The following CCDC85A variants were observed in gnomAD, a reference collection of about 807,000 sequenced individuals.
CCDC85A encodes coiled-coil domain-containing protein 85A.
A neutral mutation model predicts 50.2 loss-of-function variants in CCDC85A; 38 were observed. The ratio of observed to expected loss-of-function variants is 0.76; its 90% CI spans 0.58 to 0.99. CCDC85A has a LOEUF of 0.99. Among genes scored for constraint, CCDC85A ranks in the 50% least tolerant of loss-of-function variants. The pLI is 0.00. For synonymous variants in CCDC85A, 366 were observed against 301.4 expected (o/e 1.21, Z -2.22); for missense variants, 820 against 742.0 (o/e 1.11, Z -1.22).
chr2:56,239,394 T>G lies in CCDC85A; in HGVS notation c.1240+45954T>G, dbSNP rs72919099. ...TGGCGGACTAAAGCCTTGTGTTTGC[T>G]AACAAATTACTCTGTAGGGTTAATC... On this transcript the variant is annotated intron_variant, in intron 2 of 5. Transcript: ENST00000407595. Among the ~76,000 whole-genome samples, 248 of 152,258 alleles carry G rather than the reference T, an allele frequency of 1.6e-3. 1 individual carries two copies. Among genetic ancestry groups the G allele is most frequent in the African/African-American group, 5.7e-3 (237 of 41,578 alleles).
At chr2:56,378,452 C>A (rs922108834) in intron 5 of CCDC85A, among the ~76,000 whole-genome samples, 1 of 152,196 alleles carries the variant, frequency 6.6e-6, no homozygotes, top group African/African-American at 2.4e-5. Flanking sequence ...CTCTGAGGTG[C>A]ATTACAAATC....
At chr2:56,373,775 G>A (rs569062254) in intron 4 of CCDC85A, among the ~76,000 whole-genome samples, 6 of 152,312 alleles carry the variant, frequency 3.9e-5, no homozygotes, top group South Asian at 2.1e-4. Context: ...AGCGAATTCT[G>A]TATAACCTGA....
chr2:56,280,875 A>G (rs772417157), intron 2 of CCDC85A, among the ~76,000 whole-genome samples: 3 of 152,240 alleles, frequency 2.0e-5, no homozygotes, highest in Non-Finnish European at 4.4e-5. Flanking sequence ...ACTTCAGATT[A>G]TCCTTTGACA....
intron 2 of CCDC85A, among the ~76,000 whole-genome samples, chr2:56,228,366 A>G (rs1668630751): frequency 6.6e-6 from 1 of 151,822 alleles, no homozygotes; most frequent in Admixed American, 6.6e-5. Context: ...TAATAATAGT[A>G]CCCATCTTAC....
chr2:56,310,010 A>G (rs1180284940), intron 2 of CCDC85A, among the ~76,000 whole-genome samples: 1 of 152,180 alleles, frequency 6.6e-6, no homozygotes, highest in Non-Finnish European at 1.5e-5. Context: ...GAGTCACACT[A>G]TTCACACCAT....
At chr2:56,354,948 C>G (rs1419577886) in intron 3 of CCDC85A, among the ~76,000 whole-genome samples, 2 of 152,200 alleles carry the variant, frequency 1.3e-5, no homozygotes, top group Non-Finnish European at 2.9e-5. Context: ...TCAGGCCACA[C>G]CAGCCCAAAT....
intron 3 of CCDC85A, among the ~76,000 whole-genome samples, chr2:56,351,738 G>T (rs959536915): frequency 8.0e-5 from 12 of 150,532 alleles, no homozygotes; most frequent in African/African-American, 3.0e-4. Context: ...GTTCATTGTA[G>T]ATTCTGGATA....
At chr2:56,294,312 C>T (rs934387513) in intron 2 of CCDC85A, among the ~76,000 whole-genome samples, 4 of 152,078 alleles carry the variant, frequency 2.6e-5, no homozygotes, top group Admixed American at 1.3e-4. Flanking sequence ...AGGAGAGCAT[C>T]AAGATAAGTA....
chr2:56,357,310 A>G (rs185851862), intron 3 of CCDC85A, among the ~76,000 whole-genome samples: 132 of 152,302 alleles, frequency 8.7e-4, no homozygotes, highest in Admixed American at 1.8e-3. Flanking sequence ...CAGGATCTTA[A>G]TATTAATAAA....
chr2:56,303,529 G>C (rs759833359), intron 2 of CCDC85A, among the ~76,000 whole-genome samples: 4 of 152,078 alleles, frequency 2.6e-5, no homozygotes, highest in Non-Finnish European at 5.9e-5. Context: ...GGTAGAATAA[G>C]TAGGCATTTC....
intron 2 of CCDC85A, among the ~76,000 whole-genome samples, chr2:56,277,178 C>A (rs1163120767): frequency 6.6e-6 from 1 of 152,108 alleles, no homozygotes; most frequent in Non-Finnish European, 1.5e-5. Flanking sequence ...TTGCCAACTT[C>A]CTTGATGGGA....
chr2:56,203,447 C>T (rs1028229065), intron 2 of CCDC85A, among the ~76,000 whole-genome samples: 3 of 151,822 alleles, frequency 2.0e-5, no homozygotes, highest in Non-Finnish European at 4.4e-5. Flanking sequence ...AACTATATGC[C>T]ATGTGGTTTT....
At position 56,329,943 on chromosome 2, in the gene CCDC85A, CTGTTTTTTTTTTTT is replaced by C. The variant is rs1279901091; in HGVS notation, c.1241-12934_1241-12921del. On this transcript the variant is annotated intron_variant, in intron 2 of 5. Coordinates refer to ENST00000407595, the MANE Select transcript of CCDC85A (RefSeq NM_001080433.2). Reference sequence around the variant, plus strand: ...TGAAAATTTGTTTTTTACAGATTTCCTGTTTTTTTTTTTTTTTTTTTTTTTTTTTTTTTTTTTTA... The same window carrying C: ...TGAAAATTTGTTTTTTACAGATTTCCTTTTTTTTTTTTTTTTTTTTTTTTA... 1.2e-3 allele frequency among the ~76,000 whole-genome samples: 28 copies of C among 22,894 alleles called. No homozygotes were observed. The East Asian group carries it at 0.031, about 25-fold the overall frequency. 15.0% of individuals were successfully genotyped at this position (22,894 alleles called of 152,430 possible). A position where few individuals can be genotyped will look rare whatever the true frequency, so the allele number is the denominator to read the frequency against.
chr2:56,272,115 C>T (rs1670726091), intron 2 of CCDC85A, among the ~76,000 whole-genome samples: 1 of 152,078 alleles, frequency 6.6e-6, no homozygotes, highest in Non-Finnish European at 1.5e-5. Context: ...AACTCCTTTC[C>T]CTCTCCACCT....
At chr2:56,356,939 C>T (rs925635676) in intron 3 of CCDC85A, among the ~76,000 whole-genome samples, 1 of 151,566 alleles carries the variant, frequency 6.6e-6, no homozygotes, top group Non-Finnish European at 1.5e-5. Flanking sequence ...GTAGGCCAGG[C>T]GTGGTGGTGG....
intron 2 of CCDC85A, among the ~76,000 whole-genome samples, chr2:56,199,730 A>G (rs1006806665): frequency 3.3e-5 from 5 of 152,222 alleles, no homozygotes; most frequent in African/African-American, 1.2e-4. Flanking sequence ...ATAGCTTGGG[A>G]ATGCAGATAA....
chr2:56,234,485 T>C (rs1668915904), intron 2 of CCDC85A, among the ~76,000 whole-genome samples: 1 of 152,222 alleles, frequency 6.6e-6, no homozygotes, highest in South Asian at 2.1e-4. Flanking sequence ...ATGTCTTGGC[T>C]GCAATTATCT....
chr2:56,353,548 A>G (rs1406476553), intron 3 of CCDC85A, among the ~76,000 whole-genome samples: 2 of 152,340 alleles, frequency 1.3e-5, no homozygotes, highest in Non-Finnish European at 2.9e-5. Context: ...AACAAGTGTC[A>G]GGATGAAGGG....
intron 3 of CCDC85A, among the ~76,000 whole-genome samples, chr2:56,349,511 TC>T (rs1558653299): frequency 6.6e-6 from 1 of 152,116 alleles, no homozygotes; most frequent in Non-Finnish European, 1.5e-5. Flanking sequence ...AGAGTATAAT[TC>T]ACAGGAAAAA....
Sources: gnomAD v4.1 joint callset for allele counts (sites outside exome capture counted in the v4.1 genomes callset) on GRCh38, gnomAD v4.1.1 for gene constraint, MANE v1.5 for transcripts, NCBI Gene and HGNC (gene_info 2026-07-23, HGNC 2026-07-21) for gene names.